KRAS: variants seen among roughly 807,000 people sequenced by gnomAD.
KRAS encodes KRas proto-oncogene, GTPase.
Under a neutral mutation model 21.0 loss-of-function variants are expected in KRAS, and 1 was observed. That is an observed-to-expected ratio of 0.05 (90% CI 0.02 to 0.23). KRAS has a LOEUF of 0.23. Ranked by LOEUF, KRAS falls within the 10% of genes least tolerant of loss-of-function variation. The pLI, the probability that KRAS is intolerant of heterozygous loss-of-function variation, is 1.00. For synonymous variants in KRAS, 67 were observed against 72.5 expected (o/e 0.92, Z 0.39); for missense variants, 107 against 221.8 (o/e 0.48, Z 3.29).
At chr12:25,238,835 T>A (rs1242325167) in intron 2 of KRAS, among the ~76,000 whole-genome samples, 1 of 152,254 alleles carries the variant, frequency 6.6e-6, no homozygotes, top group Non-Finnish European at 1.5e-5. Flanking sequence ...TCCATTTTTT[T>A]AAAATCATAA....
Position 25,209,523 on chromosome 12 carries a change from C to A in KRAS, c.*272G>T. On this transcript the variant is annotated 3_prime_UTR_variant, in exon 5 of 5. Coordinates refer to ENST00000311936, the MANE Select transcript of KRAS (RefSeq NM_004985.5). ...AAAATAAGAAGTAATCAACTGCATGCACCAAAAGCCCCAAGACAGAAATCT... is the reference window on the plus strand; with the variant it reads ...AAAATAAGAAGTAATCAACTGCATGAACCAAAAGCCCCAAGACAGAAATCT... 7.6e-7 allele frequency: 1 copy of A among 1,321,540 alleles called. No homozygotes were observed. Among genetic ancestry groups the A allele is most frequent in the South Asian group, 2.2e-5 (1 of 45,146 alleles). The allele number at this position is 1,321,540 out of a possible 1,614,324, so 81.9% of individuals were successfully genotyped here.
chr12:25,220,736 T>C (rs1175028966), intron 4 of KRAS, among the ~76,000 whole-genome samples: 1 of 104,224 alleles, frequency 9.6e-6, no homozygotes, highest in African/African-American at 3.4e-5. Flanking sequence ...AAAAAAAAAA[T>C]ACTAGAGACC....
At position 25,205,488 on chromosome 12, in the gene KRAS, C is replaced by CAA. The variant is rs61764373; in HGVS notation, c.*4305_*4306dup. 0.031 allele frequency: 6,760 copies of CAA among 216,404 alleles called. 445 individuals carry two copies. The highest frequency in any genetic ancestry group is 0.13 in the African/African-American group (5,878 of 44,384). 13.4% of individuals were successfully genotyped at this position (216,404 alleles called of 1,614,324 possible). ...GTCCCACAAAAGAAAGCACAATGTA[C>CAA]AAAATGTGCATGTTTCAGTTTACAC... is the stretch of plus-strand genomic sequence containing the variant. On this transcript the variant is annotated 3_prime_UTR_variant, in exon 5 of 5. Transcript: ENST00000311936.
chr12:25,215,305 A>G, intron 4 of KRAS: 1 of 1,371,506 alleles, frequency 7.3e-7, no homozygotes, highest in South Asian at 1.4e-5. Flanking sequence ...CTAATTATGG[A>G]AACAAGTTTC....
chr12:25,243,225 T>G (rs1044901041), intron 2 of KRAS, among the ~76,000 whole-genome samples: 3 of 152,280 alleles, frequency 2.0e-5, no homozygotes, highest in African/African-American at 7.2e-5. Context: ...CCTGCCTTTC[T>G]TACAGTTTAA....
rs1386296982 is a variant in KRAS at position 25,205,766 on chromosome 12, T to C, written c.*4029A>G. 4.6e-6 allele frequency: 1 copy of C among 219,098 alleles called. No homozygotes were observed. The highest frequency in any genetic ancestry group is 9.2e-6 in the Non-Finnish European group (1 of 109,288). The allele number at this position is 219,098 out of a possible 1,614,324, so 13.6% of individuals were successfully genotyped here. Reference sequence around the variant, plus strand: ...TAAATTCATCTAAATTACCTATCATTATCCCAAACAGGCACTTCAAACTAT... The same window carrying C: ...TAAATTCATCTAAATTACCTATCATCATCCCAAACAGGCACTTCAAACTAT... On this transcript the variant is annotated 3_prime_UTR_variant, in exon 5 of 5. Coordinates refer to ENST00000311936, the MANE Select transcript of KRAS (RefSeq NM_004985.5).
In KRAS at chr12:25,209,450, C is replaced by A; in HGVS notation, c.*345G>T. On this transcript the variant is annotated 3_prime_UTR_variant, in exon 5 of 5. Transcript: ENST00000311936. ...GATAAAACACAGAATAGGGATGATT[C>A]AAAAGCTTCATTAATTTGTTTCACA... The A allele has an allele frequency of 8.7e-7, 1 of 1,149,432 alleles. No homozygotes were observed. Among genetic ancestry groups the A allele is most frequent in the Non-Finnish European group, 1.1e-6 (1 of 886,942 alleles). The allele number at this position is 1,149,432 out of a possible 1,614,324, so 71.2% of individuals were successfully genotyped here.
chr12:25,225,212 T>C (rs1278438427), intron 4 of KRAS: 1 of 150,828 alleles, frequency 6.6e-6, no homozygotes, highest in African/African-American at 2.4e-5. Context: ...CAACAACGTT[T>C]AACCTAGAAA....
At chr12:25,217,726 A>G (rs975406273) in intron 4 of KRAS, among the ~76,000 whole-genome samples, 1 of 152,062 alleles carries the variant, frequency 6.6e-6, no homozygotes, top group Non-Finnish European at 1.5e-5. Context: ...TTGAGACCTC[A>G]TCTCTACTAA....
chr12:25,226,748 TAA>T (rs1381104797), intron 3 of KRAS, among the ~76,000 whole-genome samples: 1 of 152,216 alleles, frequency 6.6e-6, no homozygotes, highest in Non-Finnish European at 1.5e-5. Flanking sequence ...TTGTCAGATT[TAA>T]GAGAACTGTA....
chr12:25,214,203 C>A (rs1951229211), intron 4 of KRAS, among the ~76,000 whole-genome samples: 2 of 152,020 alleles, frequency 1.3e-5, no homozygotes, highest in Admixed American at 6.6e-5. Context: ...GCATTCCAAA[C>A]AAGAGCCAAG....
chr12:25,212,835 G>A (rs1446849556), intron 4 of KRAS, among the ~76,000 whole-genome samples: 1 of 152,018 alleles, frequency 6.6e-6, no homozygotes, highest in Non-Finnish European at 1.5e-5. Flanking sequence ...CAGTCCTCGC[G>A]CTGTGGACTC....
chr12:25,228,238 A>C (rs1951419525), intron 2 of KRAS, among the ~76,000 whole-genome samples: 1 of 125,360 alleles, frequency 8.0e-6, no homozygotes, highest in Non-Finnish European at 1.6e-5. Context: ...GGCTGGTTGA[A>C]CTCCTGGGCT....
rs554932442 is a variant in KRAS at position 25,245,530 on chromosome 12, C to A, written c.-11-135G>T. ...TGAAAAATTATTTCAAAATACCTTA[C>A]AAAATTCAATCATGAAAATTCCAGT... On this transcript the variant is annotated intron_variant, in intron 1 of 4. Transcript: ENST00000311936. 1.2e-5 allele frequency: 11 copies of A among 939,346 alleles called. 1 individual carries two copies. Among genetic ancestry groups the A allele is most frequent in the Non-Finnish European group, 1.8e-5 (11 of 619,744 alleles). 58.2% of individuals were successfully genotyped at this position (939,346 alleles called of 1,614,324 possible). A position where few individuals can be genotyped will look rare whatever the true frequency, so the allele number is the denominator to read the frequency against.
intron 2 of KRAS, among the ~76,000 whole-genome samples, chr12:25,232,142 G>T (rs1401000956): frequency 6.6e-6 from 1 of 151,950 alleles, no homozygotes; most frequent in African/African-American, 2.4e-5. Context: ...TTGTTCAAGG[G>T]TCAACTGTAT....
At chr12:25,243,284 G>A (rs760953414) in intron 2 of KRAS, among the ~76,000 whole-genome samples, 1 of 152,104 alleles carries the variant, frequency 6.6e-6, no homozygotes, top group Non-Finnish European at 1.5e-5. Flanking sequence ...GAGACTCACT[G>A]TAACTTGGGA....
Position 25,209,177 on chromosome 12 carries a change from A to T in KRAS, c.*618T>A. On this transcript the variant is annotated 3_prime_UTR_variant, in exon 5 of 5. Coordinates refer to ENST00000311936, the MANE Select transcript of KRAS (RefSeq NM_004985.5). ...TTCCATTGCCTTGTAATTTTTTTCC[A>T]TTTTTTTCTTTTTATAGAAAAAATA... 1 of 660,948 alleles carries T rather than the reference A, an allele frequency of 1.5e-6. No individual in the cohort carries two copies. Among genetic ancestry groups the T allele is most frequent in the Admixed American group, 2.3e-5 (1 of 43,884 alleles). The allele number at this position is 660,948 out of a possible 1,614,324, so 40.9% of individuals were successfully genotyped here.
At chr12:25,236,665 A>AG (rs1461184833) in intron 2 of KRAS, among the ~76,000 whole-genome samples, 35 of 152,008 alleles carry the variant, frequency 2.3e-4, no homozygotes, top group African/African-American at 7.7e-4. Context: ...GGAGGGAGAG[A>AG]GGGGAGCAGA....
intron 2 of KRAS, among the ~76,000 whole-genome samples, chr12:25,240,400 G>A (rs1180896267): frequency 1.3e-5 from 2 of 152,172 alleles, no homozygotes; most frequent in Admixed American, 6.5e-5. Flanking sequence ...AAGATATTCT[G>A]AGGAAAAAAA....
Sources: gnomAD v4.1 joint callset for allele counts (sites outside exome capture counted in the v4.1 genomes callset) on GRCh38, gnomAD v4.1.1 for gene constraint, MANE v1.5 for transcripts, NCBI Gene and HGNC (gene_info 2026-07-23, HGNC 2026-07-21) for gene names.